MYO1D: variants seen among roughly 807,000 people sequenced by gnomAD.
MYO1D encodes the protein unconventional myosin-Id.
Under a neutral mutation model 122.0 loss-of-function variants are expected in MYO1D, and 83 were observed. That is an observed-to-expected ratio of 0.68 (90% CI 0.57 to 0.82). MYO1D has a LOEUF of 0.82. Ranked by LOEUF, MYO1D falls within the 40% of genes least tolerant of loss-of-function variation. The probability of loss-of-function intolerance (pLI) is 0.00; values close to 1 mark genes in which losing one functional copy is unlikely to be tolerated. For synonymous variants in MYO1D, 464 were observed against 446.9 expected, an observed-to-expected ratio of 1.04 and a Z score of -0.48; for missense variants, 1,157 against 1,269.5, an observed-to-expected ratio of 0.91 and a Z score of 1.35.
chr17:32,665,871 T>C (rs776727683), intron 16 of MYO1D, among the ~76,000 whole-genome samples: 2 of 152,028 alleles, frequency 1.3e-5, no homozygotes, highest in Non-Finnish European at 2.9e-5. Flanking sequence ...GATCATGAAG[T>C]GTTTTCTCTT....
intron 21 of MYO1D, among the ~76,000 whole-genome samples, chr17:32,532,749 C>T (rs1318060240): frequency 9.0e-5 from 13 of 144,766 alleles, no homozygotes; most frequent in Admixed American, 7.6e-4. Context: ...AAAAACCAAA[C>T]GAGTGCACGA....
At chr17:32,804,209 T>TA (rs2090487337) in intron 1 of MYO1D, among the ~76,000 whole-genome samples, 1 of 152,178 alleles carries the variant, frequency 6.6e-6, no homozygotes, top group Non-Finnish European at 1.5e-5. Flanking sequence ...AAACACGATG[T>TA]AAACAGTTGT....
At chr17:32,804,108 A>G (rs1277078906) in intron 1 of MYO1D, among the ~76,000 whole-genome samples, 2 of 152,204 alleles carry the variant, frequency 1.3e-5, no homozygotes, top group Non-Finnish European at 2.9e-5. Context: ...AGTTCCTGAC[A>G]TAAAATGGCA....
At chr17:32,645,105 C>T (rs1024151631) in intron 19 of MYO1D, among the ~76,000 whole-genome samples, 10 of 152,110 alleles carry the variant, frequency 6.6e-5, no homozygotes, top group Non-Finnish European at 1.3e-4. Flanking sequence ...TAGGGCAGGC[C>T]TGGTGGTGAC....
chr17:32,666,885 C>T (rs1296332819), intron 16 of MYO1D, among the ~76,000 whole-genome samples: 2 of 152,192 alleles, frequency 1.3e-5, no homozygotes, highest in South Asian at 2.1e-4. Flanking sequence ...TCCTCCATGC[C>T]TAAGGACAAT....
intron 1 of MYO1D, among the ~76,000 whole-genome samples, chr17:32,788,553 A>G (rs2090320595): frequency 6.6e-6 from 1 of 152,110 alleles, no homozygotes. Context: ...GTTGTCAAAA[A>G]TCAGTTGGCT....
intron 21 of MYO1D, among the ~76,000 whole-genome samples, chr17:32,504,216 A>C (rs1207297853): frequency 2.6e-5 from 4 of 152,180 alleles, no homozygotes; most frequent in African/African-American, 4.8e-5. Flanking sequence ...CCTGGCTCCC[A>C]GGCCCGGGGG....
chr17:32,770,870 TA>T (rs1330774084), intron 6 of MYO1D, among the ~76,000 whole-genome samples: 1 of 151,674 alleles, frequency 6.6e-6, no homozygotes, highest in African/African-American at 2.4e-5. Flanking sequence ...GATTAAAAAT[TA>T]AAATAAAACA....
At chr17:32,633,596 G>A (rs949025839) in intron 20 of MYO1D, among the ~76,000 whole-genome samples, 9 of 151,656 alleles carry the variant, frequency 5.9e-5, no homozygotes, top group African/African-American at 1.9e-4. Context: ...GCCCTAGAGT[G>A]CACAAATCTC....
At chr17:32,509,552 A>C (rs933760532) in intron 21 of MYO1D, among the ~76,000 whole-genome samples, 1 of 152,140 alleles carries the variant, frequency 6.6e-6, no homozygotes, top group African/African-American at 2.4e-5. Context: ...TTTCTCAGTA[A>C]TAGCTTCAGA....
intron 1 of MYO1D, among the ~76,000 whole-genome samples, chr17:32,837,532 T>G (rs1020136619): frequency 2.0e-5 from 3 of 152,148 alleles, no homozygotes; most frequent in Non-Finnish European, 2.9e-5. Context: ...CTATTTCTAA[T>G]TTTTGCTTTA....
chr17:32,728,527 A>G (rs986281723), intron 14 of MYO1D, among the ~76,000 whole-genome samples: 2 of 152,186 alleles, frequency 1.3e-5, no homozygotes, highest in African/African-American at 4.8e-5. Context: ...TTTAAAGACA[A>G]ACAAAACATA....
At position 32,806,723 on chromosome 17, in the gene MYO1D, C is replaced by T. The variant is rs541281245; in HGVS notation, c.96-25939G>A. ...CTAAAGAGATTAATAATAAATCTTC[C>T]GAGTAAGGATTATGTCATCTGTTAC... On this transcript the variant is annotated intron_variant, in intron 1 of 21. Coordinates refer to ENST00000318217, the MANE Select transcript of MYO1D (RefSeq NM_015194.3). 5.2e-4 allele frequency among the ~76,000 whole-genome samples: 79 copies of T among 152,268 alleles called. 1 individual carries two copies. In the Middle Eastern group the frequency reaches 0.014, roughly 26 times the overall value.
intron 18 of MYO1D, 144 bp from the exon 19 acceptor site, chr17:32,654,091 T>C (rs932293424): frequency 7.5e-5 from 48 of 638,190 alleles, no homozygotes; most frequent in Non-Finnish European, 1.2e-4. Context: ...GGTAAGCTAC[T>C]AAATGGTTGT....
At chr17:32,698,461 A>C (rs771639962) in intron 16 of MYO1D, among the ~76,000 whole-genome samples, 4 of 151,228 alleles carry the variant, frequency 2.6e-5, no homozygotes, top group Non-Finnish European at 4.4e-5. Context: ...TCTTAGAAAT[A>C]AAACACTTGA....
chr17:32,787,420 CTCTT>C (rs1172959968), intron 1 of MYO1D, among the ~76,000 whole-genome samples: 1 of 150,256 alleles, frequency 6.7e-6, no homozygotes, highest in Non-Finnish European at 1.5e-5. Flanking sequence ...CAGGTATGTA[CTCTT>C]TTTTTTTTTT....
intron 2 of MYO1D, 76 bp downstream of exon 2, chr17:32,780,500 A>G: frequency 7.0e-7 from 1 of 1,422,814 alleles, no homozygotes; most frequent in South Asian, 1.2e-5. Context: ...TATTTAATCA[A>G]TTGTTTGGAT....
chr17:32,866,372 C>T (rs2151090599), intron 1 of MYO1D, among the ~76,000 whole-genome samples: 1 of 152,298 alleles, frequency 6.6e-6, no homozygotes, highest in Non-Finnish European at 1.5e-5. Context: ...CAGGTACCCT[C>T]CCCTCTCTGT....
At chr17:32,593,140 G>C (rs1452099015) in intron 21 of MYO1D, among the ~76,000 whole-genome samples, 1 of 152,160 alleles carries the variant, frequency 6.6e-6, no homozygotes, top group Non-Finnish European at 1.5e-5. Flanking sequence ...GAGTCAGTGG[G>C]AACATTTCCC....
Sources: allele counts gnomAD v4.1 joint callset (sites outside exome capture counted in the v4.1 genomes callset), GRCh38; gene constraint gnomAD v4.1.1; transcripts MANE v1.5; gene names NCBI Gene and HGNC (gene_info 2026-07-23, HGNC 2026-07-21).